Variants in CDYL2 observed in about 807,000 individuals in gnomAD.
CDYL2 encodes the protein chromodomain Y like 2, also known as chromodomain Y-like protein 2.
Under a neutral mutation model 49.4 loss-of-function variants are expected in CDYL2, and 23 were observed. The ratio of observed to expected loss-of-function variants is 0.47; its 90% confidence interval spans 0.34 to 0.66. CDYL2 has a LOEUF of 0.66. Ranked by LOEUF, CDYL2 falls within the 30% of genes least tolerant of loss-of-function variation. CDYL2 has a pLI of 0.01. For missense variants in CDYL2, 678 were observed against 656.4 expected (o/e 1.03, Z -0.36); for synonymous variants, 360 against 268.8 (o/e 1.34, Z -3.32).
At chr16:80,652,710 T>A (rs950529379) in intron 2 of CDYL2, among the ~76,000 whole-genome samples, 1 of 152,172 alleles carries the variant, frequency 6.6e-6, no homozygotes, top group Admixed American at 6.5e-5. Flanking sequence ...TTAGTCTTTA[T>A]GAACTATAGA....
At chr16:80,613,648 C>T (rs1906701598) in intron 4 of CDYL2, among the ~76,000 whole-genome samples, 2 of 152,230 alleles carry the variant, frequency 1.3e-5, no homozygotes, top group South Asian at 2.1e-4. Context: ...TTACCAATTA[C>T]ACAGAGCCAT....
chr16:80,660,729 G>A (rs531934680), intron 2 of CDYL2, among the ~76,000 whole-genome samples: 2 of 152,284 alleles, frequency 1.3e-5, no homozygotes, highest in South Asian at 4.1e-4. Context: ...TTCCTGAGGA[G>A]AAACTCTGAG....
chr16:80,657,237 T>C (rs565548166), intron 2 of CDYL2, among the ~76,000 whole-genome samples: 1 of 152,216 alleles, frequency 6.6e-6, no homozygotes, highest in Non-Finnish European at 1.5e-5. Context: ...ACATTTCAAA[T>C]GCTCAGATGC....
chr16:80,661,479 G>A (rs952877301), intron 2 of CDYL2, among the ~76,000 whole-genome samples: 6 of 152,076 alleles, frequency 3.9e-5, no homozygotes, highest in Non-Finnish European at 5.9e-5. Flanking sequence ...TCCTCATCAC[G>A]ACCCTGTAGG....
intron 2 of CDYL2, among the ~76,000 whole-genome samples, chr16:80,641,268 T>C (rs887721740): frequency 9.2e-5 from 14 of 152,138 alleles, no homozygotes; most frequent in Non-Finnish European, 1.9e-4. Flanking sequence ...AGCAAACTTT[T>C]CAGTGGAAAC....
chr16:80,639,541 T>C, intron 2 of CDYL2: 1 of 350,552 alleles, frequency 2.9e-6, no homozygotes, highest in South Asian at 2.2e-5. Context: ...TATGAGGGAA[T>C]GGAGCAAGAT....
chr16:80,621,065 A>G, intron 3 of CDYL2, 130 bp from the exon 4 acceptor site: 4 of 1,034,146 alleles, frequency 3.9e-6, no homozygotes, highest in Non-Finnish European at 4.0e-6. Flanking sequence ...CTGCCTGTGC[A>G]GGGAGCCTCC....
At chr16:80,670,658 G>T (rs559290149) in intron 2 of CDYL2, among the ~76,000 whole-genome samples, 4 of 152,210 alleles carry the variant, frequency 2.6e-5, no homozygotes, top group Admixed American at 1.3e-4. Flanking sequence ...CTCCGTGGAC[G>T]GCAACGTCTT....
chr16:80,608,060 A>C, intron 6 of CDYL2, 32 bp downstream of exon 6: 1 of 1,534,570 alleles, frequency 6.5e-7, no homozygotes, highest in South Asian at 1.2e-5. Context: ...GTCTATCAAA[A>C]GGACAAGCAC....
chr16:80,729,739 A>G (rs1284249147), intron 1 of CDYL2, among the ~76,000 whole-genome samples: 1 of 152,230 alleles, frequency 6.6e-6, no homozygotes, highest in African/African-American at 2.4e-5. Flanking sequence ...AACAGAAATT[A>G]TAACAAACTA....
intron 2 of CDYL2, among the ~76,000 whole-genome samples, chr16:80,673,631 A>G (rs1414021788): frequency 1.3e-5 from 2 of 152,226 alleles, no homozygotes; most frequent in African/African-American, 4.8e-5. Flanking sequence ...TGCCCATTCA[A>G]GAATACAAAC....
At chr16:80,609,957 A>G (rs1225059548) in intron 5 of CDYL2, among the ~76,000 whole-genome samples, 2 of 152,146 alleles carry the variant, frequency 1.3e-5, no homozygotes, top group African/African-American at 4.8e-5. Flanking sequence ...CAAAGCCTCA[A>G]TCTTCTCTGC....
At chr16:80,777,111 C>T (rs1907112044) in intron 1 of CDYL2, among the ~76,000 whole-genome samples, 2 of 152,124 alleles carry the variant, frequency 1.3e-5, no homozygotes, top group Admixed American at 6.5e-5. Flanking sequence ...CGTGAGTCAC[C>T]GTGCCCGGCA....
At chr16:80,640,162 C>T (rs1015572748) in intron 2 of CDYL2, among the ~76,000 whole-genome samples, 1 of 152,136 alleles carries the variant, frequency 6.6e-6, no homozygotes, top group African/African-American at 2.4e-5. Context: ...CTGGTATCAC[C>T]GCTCTCCTAA....
At chr16:80,735,065 ATACTT>A (rs1905470293) in intron 1 of CDYL2, 1 of 152,206 alleles carries the variant, frequency 6.6e-6, no homozygotes, top group Admixed American at 6.5e-5. Flanking sequence ...TTCTTCCTTG[ATACTT>A]AGTTGTTTCT....
At chr16:80,747,467 G>A (rs761496191) in intron 1 of CDYL2, among the ~76,000 whole-genome samples, 7 of 152,180 alleles carry the variant, frequency 4.6e-5, no homozygotes, top group East Asian at 1.9e-4. Context: ...GACCTATCAC[G>A]TGCTTAATAA....
At chr16:80,770,700 G>C (rs1489110680) in intron 1 of CDYL2, among the ~76,000 whole-genome samples, 3 of 151,762 alleles carry the variant, frequency 2.0e-5, no homozygotes, top group Non-Finnish European at 4.4e-5. Context: ...CAATGTCAAA[G>C]CTAAGTTTTA....
chr16:80,707,272 G>A (rs1904436905), intron 1 of CDYL2, among the ~76,000 whole-genome samples: 1 of 152,106 alleles, frequency 6.6e-6, no homozygotes, highest in Admixed American at 6.5e-5. Context: ...AGACCAGCCT[G>A]GTCAACACAG....
At chr16:80,630,927 G>C (rs551021779) in intron 3 of CDYL2, among the ~76,000 whole-genome samples, 2 of 136,588 alleles carry the variant, frequency 1.5e-5, no homozygotes, top group Non-Finnish European at 3.0e-5. Context: ...CTATTATCCC[G>C]ATGTGAGTGA....
Sources: allele counts gnomAD v4.1 joint callset (sites outside exome capture counted in the v4.1 genomes callset), GRCh38; gene constraint gnomAD v4.1.1; transcripts MANE v1.5; gene names NCBI Gene and HGNC (gene_info 2026-07-23, HGNC 2026-07-21).